GNA14: variants seen among roughly 807,000 people sequenced by gnomAD.
GNA14 encodes the protein guanine nucleotide-binding protein subunit alpha-14.
In GNA14, 50 loss-of-function variants were observed where a neutral mutation model predicts 42.0. The observed-to-expected ratio is 1.19, with a 90% CI of 0.95 to 1.51. The LOEUF is 1.51. Among genes scored for constraint, GNA14 ranks in the 40% most tolerant of loss-of-function variants. GNA14 has a pLI of 0.00. For synonymous variants in GNA14, 173 were observed against 163.1 expected, an observed-to-expected ratio of 1.06 and a Z score of -0.46; for missense variants, 473 against 446.2, an observed-to-expected ratio of 1.06 and a Z score of -0.54.
At chr9:77,538,183 G>A (rs1186724578) in intron 1 of GNA14, among the ~76,000 whole-genome samples, 1 of 151,346 alleles carries the variant, frequency 6.6e-6, no homozygotes, top group Non-Finnish European at 1.5e-5. Context: ...TGATCCTCCT[G>A]TCTCAGTCTC....
At chr9:77,433,113 A>G (rs1835585160) in intron 3 of GNA14, among the ~76,000 whole-genome samples, 1 of 152,194 alleles carries the variant, frequency 6.6e-6, no homozygotes. Flanking sequence ...AAACCACAGG[A>G]GGTGACACTT....
chr9:77,491,736 C>G (rs1836778938), intron 2 of GNA14, among the ~76,000 whole-genome samples: 2 of 152,150 alleles, frequency 1.3e-5, no homozygotes, highest in African/African-American at 2.4e-5. Flanking sequence ...ACATCCCACT[C>G]TCAGTAATGG....
chr9:77,432,246 C>T (rs1257184461), intron 3 of GNA14, among the ~76,000 whole-genome samples: 5 of 152,146 alleles, frequency 3.3e-5, no homozygotes, highest in African/African-American at 4.8e-5. Flanking sequence ...GTCCCAGCAC[C>T]GCATCAGGGG....
At chr9:77,510,372 G>A (rs1168050390) in intron 2 of GNA14, among the ~76,000 whole-genome samples, 1 of 152,146 alleles carries the variant, frequency 6.6e-6, no homozygotes, top group Non-Finnish European at 1.5e-5. Flanking sequence ...GTCTTGCTCT[G>A]TCACCCAGGC....
chr9:77,647,562 G>T, intron 1 of GNA14, 108 bp downstream of exon 1: 1 of 1,281,498 alleles, frequency 7.8e-7, no homozygotes, highest in Non-Finnish European at 1.1e-6. Context: ...GGACGAAGCC[G>T]CCCTGCACCC....
At chr9:77,617,272 CT>C (rs1382055244) in intron 1 of GNA14, among the ~76,000 whole-genome samples, 1 of 152,042 alleles carries the variant, frequency 6.6e-6, no homozygotes, top group Non-Finnish European at 1.5e-5. Flanking sequence ...GACTGTCTAC[CT>C]CCACCCCCTC....
In GNA14 at chr9:77,623,209, G is replaced by A. The variant is rs373201059; in HGVS notation, c.124+24461C>T. Among the ~76,000 whole-genome samples the A allele has an allele frequency of 4.7e-3, 242 of 51,746 alleles. 2 individuals carry two copies. The highest frequency in any genetic ancestry group is 0.014 in the African/African-American group (229 of 16,562). 33.9% of individuals were successfully genotyped at this position (51,746 alleles called of 152,430 possible). The stretch of plus-strand genomic sequence containing the variant: ...TCCAGCATGGGCAAAAGAGTGAGAC[G>A]CTGTCTCAAAAAAAAAAAAAAAAAA... On this transcript the variant is annotated intron_variant, in intron 1 of 6. Transcript: ENST00000341700.
At chr9:77,514,115 G>C (rs1837212392) in intron 2 of GNA14, among the ~76,000 whole-genome samples, 1 of 152,146 alleles carries the variant, frequency 6.6e-6, no homozygotes, top group African/African-American at 2.4e-5. Flanking sequence ...CCCAAACTAA[G>C]TTTAGGGCCC....
intron 1 of GNA14, among the ~76,000 whole-genome samples, chr9:77,533,928 G>A (rs148597479): frequency 2.6e-5 from 4 of 152,310 alleles, no homozygotes; most frequent in African/African-American, 7.2e-5. Flanking sequence ...CCTACAAGAC[G>A]CTTGCTCCTG....
chr9:77,507,958 T>C (rs527410319), intron 2 of GNA14, among the ~76,000 whole-genome samples: 1 of 152,326 alleles, frequency 6.6e-6, no homozygotes, highest in Non-Finnish European at 1.5e-5. Flanking sequence ...CCTCAGGTGA[T>C]CCACCCGCCT....
intron 2 of GNA14, among the ~76,000 whole-genome samples, chr9:77,477,451 G>A (rs772074491): frequency 6.6e-6 from 1 of 152,202 alleles, no homozygotes. Context: ...GAATATGGCA[G>A]CCAGAGTTGA....
In GNA14 at chr9:77,502,026, T is replaced by A. The variant is rs892592952; in HGVS notation, c.309+27043A>T. On this transcript the variant is annotated intron_variant, in intron 2 of 6. Transcript: ENST00000341700. ...CCAGCCCAGATTGGATAATTTCTAA[T>A]CTGTCTTCCAGCTCACTGATTCTTT... 2.0e-4 allele frequency among the ~76,000 whole-genome samples: 30 copies of A among 152,020 alleles called. 1 individual carries two copies. The highest frequency in any genetic ancestry group is 6.5e-4 in the African/African-American group (27 of 41,298).
intron 2 of GNA14, among the ~76,000 whole-genome samples, chr9:77,505,724 C>G (rs1027383733): frequency 1.3e-5 from 2 of 152,166 alleles, no homozygotes; most frequent in Non-Finnish European, 2.9e-5. Flanking sequence ...AGAGGAAGGA[C>G]TACAGCTGTA....
At chr9:77,637,938 A>G (rs1408847323) in intron 1 of GNA14, among the ~76,000 whole-genome samples, 2 of 152,222 alleles carry the variant, frequency 1.3e-5, no homozygotes, top group East Asian at 3.8e-4. Flanking sequence ...TTTATATGCA[A>G]AAGTTTATTC....
chr9:77,600,008 G>C (rs1823531314), intron 1 of GNA14, among the ~76,000 whole-genome samples: 2 of 152,152 alleles, frequency 1.3e-5, no homozygotes, highest in South Asian at 4.1e-4. Flanking sequence ...TAATTAGCTT[G>C]ATTTAGCCAT....
In GNA14 at chr9:77,452,448, G is replaced by T. The variant is rs991740212; in HGVS notation, c.310-17926C>A. On this transcript the variant is annotated intron_variant, in intron 2 of 6. Coordinates refer to ENST00000341700, the MANE Select transcript of GNA14 (RefSeq NM_004297.4). ...TAAACAAAACACTACTCTACAAAAC[G>T]TGGTACATATCCTTAAAAAAAAGTT... Among the ~76,000 whole-genome samples, 4 of 151,796 alleles carry T rather than the reference G, an allele frequency of 2.6e-5. No individual in the cohort carries two copies. In the East Asian group the frequency reaches 7.8e-4, roughly 29 times the overall value.
intron 1 of GNA14, among the ~76,000 whole-genome samples, chr9:77,576,831 G>T (rs1290636303): frequency 1.3e-5 from 2 of 151,676 alleles, no homozygotes; most frequent in Non-Finnish European, 2.9e-5. Flanking sequence ...ATTTATGAGT[G>T]TTATCAGAAA....
At chr9:77,615,535 A>C (rs1399938868) in intron 1 of GNA14, among the ~76,000 whole-genome samples, 1 of 152,034 alleles carries the variant, frequency 6.6e-6, no homozygotes, top group African/African-American at 2.4e-5. Context: ...GCAGATCACC[A>C]AGGAGATGGG....
At chr9:77,431,641 G>A (rs1331923641) in intron 3 of GNA14, 192 bp from the exon 4 acceptor site, 9 of 502,702 alleles carry the variant, frequency 1.8e-5, no homozygotes, top group Admixed American at 1.3e-4. Context: ...AGACAATATG[G>A]GTCAGAAGGA....
Sources: gnomAD v4.1 joint callset for allele counts (sites outside exome capture counted in the v4.1 genomes callset) on GRCh38, gnomAD v4.1.1 for gene constraint, MANE v1.5 for transcripts, NCBI Gene and HGNC (gene_info 2026-07-23, HGNC 2026-07-21) for gene names.